The following SREK1IP1 variants were observed in gnomAD, a reference collection of about 807,000 sequenced individuals.
The protein encoded by SREK1IP1 is SREK1 interacting protein 1.
SREK1IP1 carries 12 observed loss-of-function variants against 22.8 expected under a neutral mutation model. That is an observed-to-expected ratio of 0.53 (90% CI 0.34 to 0.85). The LOEUF (loss-of-function observed/expected upper bound fraction) is 0.85. Among genes scored for constraint, SREK1IP1 ranks in the 40% least tolerant of loss-of-function variants. SREK1IP1 has a pLI of 0.02. For synonymous variants in SREK1IP1, 53 were observed against 52.7 expected (o/e 1.01, Z -0.02); for missense variants, 147 against 171.8 (o/e 0.86, Z 0.81).
At chr5:64,726,877 C>T (rs1355980082) in intron 4 of SREK1IP1, among the ~76,000 whole-genome samples, 1 of 152,142 alleles carries the variant, frequency 6.6e-6, no homozygotes. Flanking sequence ...ATTTCTACTG[C>T]ACCATCATAA....
At chr5:64,728,227 T>C (rs1742310745) in intron 3 of SREK1IP1, 48 bp from the exon 4 acceptor site, 2 of 1,279,880 alleles carry the variant, frequency 1.6e-6, no homozygotes, top group Admixed American at 6.2e-5. Flanking sequence ...TATATGATTC[T>C]ATATATTAAT....
chr5:64,731,607 G>A (rs1328416109), intron 3 of SREK1IP1, among the ~76,000 whole-genome samples: 1 of 151,728 alleles, frequency 6.6e-6, no homozygotes, highest in East Asian at 1.9e-4. Flanking sequence ...ATAAAAATGG[G>A]AAGAAGCAGG....
At chr5:64,756,836 C>T (rs1742849755) in intron 1 of SREK1IP1, among the ~76,000 whole-genome samples, 1 of 152,060 alleles carries the variant, frequency 6.6e-6, no homozygotes, top group South Asian at 2.1e-4. Context: ...CCATGTTAGC[C>T]AGGATGGTCT....
intron 3 of SREK1IP1, among the ~76,000 whole-genome samples, chr5:64,733,143 T>A (rs1168708654): frequency 6.6e-6 from 1 of 152,108 alleles, no homozygotes; most frequent in Non-Finnish European, 1.5e-5. Flanking sequence ...GTTCTTATAT[T>A]TGACACCAAA....
chr5:64,754,433 A>G (rs1742802523), intron 1 of SREK1IP1, 71 bp from the exon 2 acceptor site: 3 of 1,465,308 alleles, frequency 2.0e-6, no homozygotes, highest in Non-Finnish European at 2.8e-6. Context: ...TATTGTATGA[A>G]AAAAGCTAAG....
intron 2 of SREK1IP1, among the ~76,000 whole-genome samples, chr5:64,743,014 C>T (rs1396757416): frequency 2.0e-5 from 3 of 152,106 alleles, no homozygotes; most frequent in Admixed American, 2.0e-4. Context: ...TCTAAATTTA[C>T]TACACTGTTA....
At chr5:64,749,773 C>G (rs1002359626) in intron 2 of SREK1IP1, among the ~76,000 whole-genome samples, 2 of 152,096 alleles carry the variant, frequency 1.3e-5, no homozygotes, top group African/African-American at 2.4e-5. Context: ...TCATATTTAT[C>G]TTTTATTTCC....
At chr5:64,731,521 C>CAAAAAAAAAAAAAAAA (rs10599290) in intron 3 of SREK1IP1, among the ~76,000 whole-genome samples, 5 of 74,676 alleles carry the variant, frequency 6.7e-5, no homozygotes, top group African/African-American at 2.0e-4. Flanking sequence ...GCCCTTGTCT[C>CAAAAAAAAAAAAAAAA]AAAAAAAAAA....
rs1391522469 is a variant in SREK1IP1, at chr5:64,768,655, G to A, written c.-138C>T. The stretch of plus-strand genomic sequence containing the variant: ...CAGCACCCTCGCTACGGTCGGGAAG[G>A]GCCTGTACGCCTCTAGCGACGGCAG... On this transcript the variant is annotated 5_prime_UTR_variant, in exon 1 of 5. Coordinates refer to ENST00000513458, the MANE Select transcript of SREK1IP1 (RefSeq NM_173829.4). 8 of 1,214,130 alleles carry A rather than the reference G, an allele frequency of 6.6e-6. No individual in the cohort carries two copies. Among genetic ancestry groups the A allele is most frequent in the African/African-American group, 4.5e-5 (3 of 67,142 alleles). 75.2% of individuals were successfully genotyped at this position (1,214,130 alleles called of 1,614,324 possible). A position where few individuals can be genotyped will look rare whatever the true frequency, so the allele number is the denominator to read the frequency against.
rs1357815083 is a variant in SREK1IP1, at chr5:64,719,210, CATTT to C, written c.*5170_*5173del. On this transcript the variant is annotated 3_prime_UTR_variant, in exon 5 of 5. Transcript: ENST00000513458. ...ATGCAACTGAAAAAATAAAATTTTT[CATTT>C]ATTTAATTAATTTAAATAACCCTAT... The C allele has an allele frequency of 1.3e-5, 2 of 152,140 alleles. No individual in the cohort carries two copies. The highest frequency in any genetic ancestry group is 1.3e-4 in the Admixed American group (2 of 15,274). 9.4% of individuals were successfully genotyped at this position (152,140 alleles called of 1,614,324 possible).
intron 1 of SREK1IP1, 142 bp downstream of exon 1, chr5:64,768,363 A>C (rs1035812223): frequency 2.2e-5 from 23 of 1,054,318 alleles, no homozygotes; most frequent in Non-Finnish European, 2.8e-5. Flanking sequence ...AAACTTTTTC[A>C]TGTAAACAAA....
rs1348967909 is a variant in SREK1IP1 at position 64,718,786 on chromosome 5, G to T, written c.*5598C>A. 6.6e-6 allele frequency: 1 copy of T among 151,798 alleles called. No individual in the cohort carries two copies. Among genetic ancestry groups the T allele is most frequent in the African/African-American group, 2.4e-5 (1 of 41,334 alleles). The allele number at this position is 151,798 out of a possible 1,614,324, so 9.4% of individuals were successfully genotyped here. ...ATAACACAGACCTGGTTTTGTAACA[G>T]AATTCAACAGAAAAAAAAAGGGAAT... is the stretch of plus-strand genomic sequence containing the variant. On this transcript the variant is annotated 3_prime_UTR_variant, in exon 5 of 5. Transcript: ENST00000513458.
At chr5:64,758,124 C>T (rs958468076) in intron 1 of SREK1IP1, among the ~76,000 whole-genome samples, 57 of 151,850 alleles carry the variant, frequency 3.8e-4, no homozygotes, top group African/African-American at 1.4e-3. Flanking sequence ...AATCCACCTG[C>T]CTTGGCCTCC....
chr5:64,732,257 C>T (rs550397935), intron 3 of SREK1IP1, among the ~76,000 whole-genome samples: 1 of 152,040 alleles, frequency 6.6e-6, no homozygotes, highest in South Asian at 2.1e-4. Flanking sequence ...TTGAAGCTCA[C>T]CTATTTCAAT....
At chr5:64,749,060 A>G (rs1400478081) in intron 2 of SREK1IP1, among the ~76,000 whole-genome samples, 2 of 40,120 alleles carry the variant, frequency 5.0e-5, no homozygotes, top group Non-Finnish European at 8.1e-5. Flanking sequence ...GCTATGCCAC[A>G]TAATAATAAT....
intron 3 of SREK1IP1, among the ~76,000 whole-genome samples, chr5:64,737,810 T>C (rs976278443): frequency 6.6e-6 from 1 of 152,132 alleles, no homozygotes. Flanking sequence ...GGAACATTTA[T>C]ATGTCAACAA....
At chr5:64,768,424 C>G (rs1029116895) in intron 1 of SREK1IP1, 81 bp downstream of exon 1, 30 of 1,587,898 alleles carry the variant, frequency 1.9e-5, no homozygotes, top group Admixed American at 1.2e-4. Flanking sequence ...GGGCGCTGCT[C>G]CGTACACGCC....
rs528496132 is a variant in SREK1IP1, at chr5:64,747,963, T to TC, written c.61+6351dup. Among the ~76,000 whole-genome samples the TC allele has an allele frequency of 5.3e-5, 8 of 152,132 alleles. No individual in the cohort carries two copies. In the East Asian group the frequency reaches 1.5e-3, roughly 29 times the overall value. ...AAAAGAAAACCAGTTTGGCAGTTTT[T>TC]CAAAAAAATCAACATAGTAATTCTG... On this transcript the variant is annotated intron_variant, in intron 2 of 4. Coordinates refer to ENST00000513458, the MANE Select transcript of SREK1IP1 (RefSeq NM_173829.4).
chr5:64,759,791 T>C (rs1742913003), intron 1 of SREK1IP1, among the ~76,000 whole-genome samples: 1 of 152,170 alleles, frequency 6.6e-6, no homozygotes, highest in Non-Finnish European at 1.5e-5. Flanking sequence ...CACTAAAAAC[T>C]ATACTGGGAT....
Sources: allele counts gnomAD v4.1 joint callset (sites outside exome capture counted in the v4.1 genomes callset), GRCh38; gene constraint gnomAD v4.1.1; transcripts MANE v1.5; gene names NCBI Gene and HGNC (gene_info 2026-07-23, HGNC 2026-07-21).